Variants in SLC44A5 observed in about 807,000 individuals in gnomAD.
SLC44A5 encodes the protein choline transporter-like protein 5.
In SLC44A5, 57 loss-of-function variants were observed where a neutral mutation model predicts 101.8. The observed-to-expected ratio is 0.56, with a 90% confidence interval of 0.45 to 0.70. The LOEUF (loss-of-function observed/expected upper bound fraction) is 0.70. Ranked by LOEUF, SLC44A5 falls within the 30% of genes least tolerant of loss-of-function variation. The pLI, the probability that SLC44A5 is intolerant of heterozygous loss-of-function variation, is 0.00. For synonymous variants in SLC44A5, 281 were observed against 290.9 expected, an observed-to-expected ratio of 0.97 and a Z score of 0.35; for missense variants, 737 against 853.1, an observed-to-expected ratio of 0.86 and a Z score of 1.70.
intron 18 of SLC44A5, among the ~76,000 whole-genome samples, chr1:75,217,480 C>T (rs941598681): frequency 1.3e-5 from 2 of 151,900 alleles, no homozygotes; most frequent in African/African-American, 2.4e-5. Flanking sequence ...AGATTTATGC[C>T]CGTGACACCC....
In SLC44A5 at chr1:75,407,461, T is replaced by A. The variant is rs571832185; in HGVS notation, c.14-10840A>T. On this transcript the variant is annotated intron_variant, in intron 2 of 23. Coordinates refer to ENST00000370859, the MANE Select transcript of SLC44A5 (RefSeq NM_001130058.2). ...CATCACGCTACCTGACTTCAAACTA[T>A]ACTACAAGGCTACAGTAACCAAAAC... 5.4e-4 allele frequency among the ~76,000 whole-genome samples: 82 copies of A among 152,104 alleles called. 1 individual carries two copies.
At chr1:75,678,196 C>A in the SLC44A5 span, among the ~76,000 whole-genome samples, 45 of 152,306 alleles carry the variant, frequency 3.0e-4, no homozygotes, top group African/African-American at 1.1e-3. Context: ...GGGGCGCCCA[C>A]CAATGCCCAG....
intron 2 of SLC44A5, among the ~76,000 whole-genome samples, chr1:75,412,861 C>T (rs1386472170): frequency 2.6e-5 from 4 of 152,174 alleles, no homozygotes; most frequent in African/African-American, 9.6e-5. Flanking sequence ...CTGCTCCTGA[C>T]ATCCAGCCAT....
chr1:75,293,239 G>C (rs912898889), intron 5 of SLC44A5, among the ~76,000 whole-genome samples: 2 of 152,180 alleles, frequency 1.3e-5, no homozygotes, highest in Non-Finnish European at 2.9e-5. Context: ...TACCAGGAGC[G>C]AGTATTATGA....
At chr1:75,533,047 C>T (rs1323125535) in intron 2 of SLC44A5, among the ~76,000 whole-genome samples, 1 of 152,168 alleles carries the variant, frequency 6.6e-6, no homozygotes, top group Non-Finnish European at 1.5e-5. Flanking sequence ...CCATGCTCTA[C>T]TCAAATTATG....
In SLC44A5 at chr1:75,574,487, T is replaced by C. The variant is rs181506639; in HGVS notation, c.-69-32971A>G. ...TATTGACAATAATAAATATCTCTGA[T>C]ACTTAACTATAAGCCAGCAGTGCTG... On this transcript the variant is annotated intron_variant, in intron 1 of 23. Coordinates refer to ENST00000370859, the MANE Select transcript of SLC44A5 (RefSeq NM_001130058.2). 4.3e-3 allele frequency among the ~76,000 whole-genome samples: 657 copies of C among 152,326 alleles called. 6 individuals are homozygous for C. Among genetic ancestry groups the C allele is most frequent in the African/African-American group, 0.015 (630 of 41,572 alleles).
At chr1:75,407,358 T>A (rs1025282719) in intron 2 of SLC44A5, among the ~76,000 whole-genome samples, 1 of 152,078 alleles carries the variant, frequency 6.6e-6, no homozygotes, top group Non-Finnish European at 1.5e-5. Context: ...AGAAAAAAAC[T>A]AACTCAAATT....
At chr1:75,565,355 C>T (rs1279301074) in intron 1 of SLC44A5, among the ~76,000 whole-genome samples, 1 of 152,216 alleles carries the variant, frequency 6.6e-6, no homozygotes, top group African/African-American at 2.4e-5. Context: ...CTAGAGAGAA[C>T]AATCAAGCTC....
chr1:75,678,367 A>G, the SLC44A5 span, among the ~76,000 whole-genome samples: 1 of 152,170 alleles, frequency 6.6e-6, no homozygotes, highest in Admixed American at 6.5e-5. Flanking sequence ...TCCCTGTCTG[A>G]CAGCTTTGAA....
chr1:75,331,990 C>T (rs1329863007), intron 4 of SLC44A5, among the ~76,000 whole-genome samples: 5 of 152,156 alleles, frequency 3.3e-5, no homozygotes, highest in African/African-American at 4.8e-5. Flanking sequence ...CTTCCTCTTA[C>T]TTATGTTCAT....
At chr1:75,714,841 T>C in the SLC44A5 span, among the ~76,000 whole-genome samples, 24 of 152,276 alleles carry the variant, frequency 1.6e-4, no homozygotes, top group African/African-American at 5.3e-4. Flanking sequence ...ACCCAGCTAA[T>C]TTTTGTATTT....
intron 2 of SLC44A5, among the ~76,000 whole-genome samples, chr1:75,494,539 T>C (rs1205438947): frequency 6.6e-6 from 1 of 152,144 alleles, no homozygotes; most frequent in East Asian, 1.9e-4. Context: ...GCATGTGGCA[T>C]GCCCAGAGCT....
chr1:75,231,421 G>C (rs536304217), intron 12 of SLC44A5, among the ~76,000 whole-genome samples: 105 of 152,202 alleles, frequency 6.9e-4, no homozygotes, highest in African/African-American at 2.5e-3. Context: ...TAGCAAGAAG[G>C]CCCTTCAGAC....
At chr1:75,264,021 C>G (rs1650770768) in intron 6 of SLC44A5, among the ~76,000 whole-genome samples, 3 of 151,488 alleles carry the variant, frequency 2.0e-5, no homozygotes, top group African/African-American at 7.3e-5. Context: ...AGGAGAAATA[C>G]CTAGTGTAGA....
At chr1:75,716,810 T>C in the SLC44A5 span, among the ~76,000 whole-genome samples, 18,265 of 152,064 alleles carry the variant, frequency 0.12, 2,690 homozygotes, top group African/African-American at 0.35. Context: ...GGTGGGCAGA[T>C]TGCCTGAGCT....
intron 1 of SLC44A5, among the ~76,000 whole-genome samples, chr1:75,547,340 TG>T (rs1169782977): frequency 6.6e-6 from 1 of 152,166 alleles, no homozygotes; most frequent in Non-Finnish European, 1.5e-5. Context: ...ACTCAATGGG[TG>T]CCAAAACTAT....
the SLC44A5 span, among the ~76,000 whole-genome samples, chr1:75,637,509 G>A: frequency 6.6e-6 from 1 of 152,078 alleles, no homozygotes; most frequent in South Asian, 2.1e-4. Context: ...TGGAAGTGAG[G>A]AATGGAGAGT....
At chr1:75,619,084 G>GGT in the SLC44A5 span, among the ~76,000 whole-genome samples, 2 of 85,168 alleles carry the variant, frequency 2.3e-5, no homozygotes, top group Admixed American at 2.3e-4. Context: ...AAAAAAGGGG[G>GGT]GGGGGAAGGA....
At chr1:75,269,920 G>C (rs1651326972) in intron 6 of SLC44A5, among the ~76,000 whole-genome samples, 1 of 152,130 alleles carries the variant, frequency 6.6e-6, no homozygotes, top group Non-Finnish European at 1.5e-5. Context: ...TGAATGGTGG[G>C]GGCAGTTTCT....
Sources: allele counts gnomAD v4.1 joint callset (sites outside exome capture counted in the v4.1 genomes callset), GRCh38; gene constraint gnomAD v4.1.1; transcripts MANE v1.5; gene names NCBI Gene and HGNC (gene_info 2026-07-23, HGNC 2026-07-21).